CD1B: variants seen among roughly 807,000 people sequenced by gnomAD.
The protein encoded by CD1B is T-cell surface glycoprotein CD1b.
In CD1B, 43 loss-of-function variants were observed where a neutral mutation model predicts 39.8. The observed-to-expected ratio is 1.08, with a 90% CI of 0.85 to 1.39. The LOEUF (loss-of-function observed/expected upper bound fraction) is 1.39, where lower values mean the gene tolerates loss of function less well. Among genes scored for constraint, CD1B ranks in the 40% most tolerant of loss-of-function variants. The probability of loss-of-function intolerance (pLI) is 0.00; values close to 1 mark genes in which losing one functional copy is unlikely to be tolerated. For synonymous variants in CD1B, 192 were observed against 152.5 expected (o/e 1.26, Z -1.91); for missense variants, 495 against 403.8 (o/e 1.23, Z -1.94).
the CD1B span, among the ~76,000 whole-genome samples, chr1:158,315,136 T>G: frequency 7.9e-5 from 12 of 152,026 alleles, no homozygotes; most frequent in Non-Finnish European, 1.5e-5. Flanking sequence ...TGTGTCTTTA[T>G]AGCAGCATGA....
Position 158,329,420 on chromosome 1 carries a change from C to G in CD1B, c.836G>C (p.Cys279Ser), listed in dbSNP as rs778675482. 1.9e-6 allele frequency: 3 copies of G among 1,614,184 alleles called. No homozygotes were observed. The highest frequency in any genetic ancestry group is 2.5e-6 in the Non-Finnish European group (3 of 1,180,042). ...CTCTAAACTGCTGTGCTTCACCCGA[C>G]AGGACAGGCCAGCCGCCTCCCCATC... Reference protein sequence around the residue: ...VADGEAAGLSCRVKHSSLEGQ... With the variant: ...VADGEAAGLSSRVKHSSLEGQ... The change falls in exon 4 of 6, where the codon TGT (cysteine) becomes TCT (serine). Residue 279 changes from cysteine to serine, a missense_variant. Cys to Ser is a moderately radical substitution (Grantham distance 112). Transcript: ENST00000368168.
chr1:158,315,770 G>T, the CD1B span, among the ~76,000 whole-genome samples: 1 of 151,908 alleles, frequency 6.6e-6, no homozygotes, highest in African/African-American at 2.4e-5. Flanking sequence ...AGGTTTTCTT[G>T]TAGGGTTTTT....
the CD1B span, among the ~76,000 whole-genome samples, chr1:158,286,763 G>A: frequency 2.6e-5 from 4 of 152,166 alleles, no homozygotes; most frequent in Non-Finnish European, 4.4e-5. Context: ...ATTTGAATGC[G>A]TATTGCCATG....
the CD1B span, among the ~76,000 whole-genome samples, chr1:158,305,530 T>C: frequency 4.6e-5 from 7 of 152,222 alleles, no homozygotes; most frequent in African/African-American, 1.4e-4. Context: ...CAGGAGAACT[T>C]CCCCAATCTA....
At chr1:158,305,226 G>C in the CD1B span, among the ~76,000 whole-genome samples, 1 of 152,130 alleles carries the variant, frequency 6.6e-6, no homozygotes, top group Non-Finnish European at 1.5e-5. Flanking sequence ...AATAAGCAAT[G>C]CAGAGAAGTC....
the CD1B span, among the ~76,000 whole-genome samples, chr1:158,285,717 G>C: frequency 6.6e-6 from 1 of 152,194 alleles, no homozygotes; most frequent in African/African-American, 2.4e-5. Flanking sequence ...AGTGCTTCTA[G>C]TAAGTGGTAA....
chr1:158,328,194 CTTGGT>C lies in CD1B; in HGVS notation c.*37_*41del. On this transcript the variant is annotated 3_prime_UTR_variant, in exon 6 of 6. Coordinates refer to ENST00000368168, the MANE Select transcript of CD1B (RefSeq NM_001764.3). ...ACTTTTGGGCTGATATCTTGGGCTTCTTGGTACTTATTGCGAATGGGAGAGGAGAC... is the reference window on the plus strand; with the variant it reads ...ACTTTTGGGCTGATATCTTGGGCTTCACTTATTGCGAATGGGAGAGGAGAC... The C allele has an allele frequency of 6.5e-7, 1 of 1,547,048 alleles. No homozygotes were observed. Among genetic ancestry groups the C allele is most frequent in the Non-Finnish European group, 8.9e-7 (1 of 1,122,316 alleles).
At chr1:158,320,248 T>A in the CD1B span, among the ~76,000 whole-genome samples, 19 of 152,318 alleles carry the variant, frequency 1.2e-4, no homozygotes, top group Admixed American at 6.5e-5. Flanking sequence ...TGGGCGCCCC[T>A]GCCTCAGCCT....
At chr1:158,294,955 A>G in the CD1B span, among the ~76,000 whole-genome samples, 1 of 152,082 alleles carries the variant, frequency 6.6e-6, no homozygotes, top group African/African-American at 2.4e-5. Flanking sequence ...CCACTCACCC[A>G]GCTTGGGTCC....
At chr1:158,307,183 G>C in the CD1B span, among the ~76,000 whole-genome samples, 2 of 148,434 alleles carry the variant, frequency 1.3e-5, no homozygotes, top group African/African-American at 2.6e-5. Flanking sequence ...CAGACTGCTA[G>C]CAAGACTAAT....
chr1:158,317,874 G>A, the CD1B span, among the ~76,000 whole-genome samples: 1 of 152,068 alleles, frequency 6.6e-6, no homozygotes, highest in Non-Finnish European at 1.5e-5. Flanking sequence ...GTTTGTTCTT[G>A]TTCATTTCAA....
the CD1B span, among the ~76,000 whole-genome samples, chr1:158,316,227 A>C: frequency 3.9e-5 from 6 of 151,992 alleles, no homozygotes; most frequent in Non-Finnish European, 8.8e-5. Flanking sequence ...GATGGCATTG[A>C]ATCTGTAAAT....
At chr1:158,299,673 T>G in the CD1B span, among the ~76,000 whole-genome samples, 1 of 152,222 alleles carries the variant, frequency 6.6e-6, no homozygotes, top group Non-Finnish European at 1.5e-5. Context: ...AGCCTGTTAT[T>G]GGTCTATTCA....
At chr1:158,300,999 C>G in the CD1B span, among the ~76,000 whole-genome samples, 1 of 152,016 alleles carries the variant, frequency 6.6e-6, no homozygotes, top group South Asian at 2.1e-4. Flanking sequence ...ACTTCATGAT[C>G]TGCCCACCTC....
the CD1B span, among the ~76,000 whole-genome samples, chr1:158,297,122 A>G: frequency 2.6e-5 from 4 of 152,206 alleles, no homozygotes; most frequent in Non-Finnish European, 5.9e-5. Context: ...ATACTACACT[A>G]GAAAACCATC....
the CD1B span, among the ~76,000 whole-genome samples, chr1:158,286,134 A>G: frequency 6.6e-6 from 1 of 152,234 alleles, no homozygotes; most frequent in African/African-American, 2.4e-5. Flanking sequence ...GAGCAAAAGG[A>G]CAAGAAAAGG....
At chr1:158,316,848 T>C in the CD1B span, among the ~76,000 whole-genome samples, 1 of 152,016 alleles carries the variant, frequency 6.6e-6, no homozygotes, top group Admixed American at 6.6e-5. Context: ...ACCTAATTTA[T>C]TGAGAGTTTT....
chr1:158,316,813 T>A, the CD1B span, among the ~76,000 whole-genome samples: 5 of 152,042 alleles, frequency 3.3e-5, no homozygotes, highest in African/African-American at 1.2e-4. Flanking sequence ...ATAGCTCTTA[T>A]TATTTTGAAA....
chr1:158,295,808 C>G, the CD1B span, among the ~76,000 whole-genome samples: 1 of 151,222 alleles, frequency 6.6e-6, no homozygotes, highest in Non-Finnish European at 1.5e-5. Flanking sequence ...CACTGGCTGA[C>G]CCCACCAAAC....
Sources: gnomAD v4.1 joint callset for allele counts (sites outside exome capture counted in the v4.1 genomes callset) on GRCh38, gnomAD v4.1.1 for gene constraint, MANE v1.5 for transcripts, NCBI Gene and HGNC (gene_info 2026-07-23, HGNC 2026-07-21) for gene names.